ZNF773: variants seen among roughly 807,000 people sequenced by gnomAD.
ZNF773 encodes the protein zinc finger protein 773.
Under a neutral mutation model 12.8 loss-of-function variants are expected in ZNF773, and 11 were observed. That is an observed-to-expected ratio of 0.86 (90% CI 0.54 to 1.42). The LOEUF (loss-of-function observed/expected upper bound fraction) is 1.42. Ranked by LOEUF, ZNF773 falls within the 40% of genes most tolerant of loss-of-function variation. The pLI is 0.00. For synonymous variants in ZNF773, 175 were observed against 178.4 expected, an observed-to-expected ratio of 0.98 and a Z score of 0.15; for missense variants, 518 against 527.2, an observed-to-expected ratio of 0.98 and a Z score of 0.17.
intron 3 of ZNF773, 148 bp from the exon 4 acceptor site, chr19:57,506,210 A>G: frequency 7.6e-7 from 1 of 1,312,922 alleles, no homozygotes; most frequent in Non-Finnish European, 1.0e-6. Flanking sequence ...TCAGCACTGC[A>G]CAGCAGGCCC....
chr19:57,507,533 A>C lies in ZNF773; in HGVS notation c.*109A>C, dbSNP rs2089755212. The C allele has an allele frequency of 1.4e-6, 2 of 1,467,678 alleles. No homozygotes were observed. The highest frequency in any genetic ancestry group is 2.4e-5 in the East Asian group (1 of 41,154). The allele number at this position is 1,467,678 out of a possible 1,614,324, so 90.9% of individuals were successfully genotyped here. A position where few individuals can be genotyped will look rare whatever the true frequency, so the allele number is the denominator to read the frequency against. On this transcript the variant is annotated 3_prime_UTR_variant, in exon 4 of 4. Transcript: ENST00000282292. ...TGGAAATCCATTAGCTATACCTCCA[A>C]ACTCATTCAACACTGGACAGTTCAC... is the stretch of plus-strand genomic sequence containing the variant.
intron 1 of ZNF773, among the ~76,000 whole-genome samples, chr19:57,502,007 A>G (rs1237593342): frequency 2.0e-5 from 3 of 152,052 alleles, no homozygotes; most frequent in African/African-American, 4.8e-5. Context: ...CAATGGTACA[A>G]TCTCGGCTCA....
intron 1 of ZNF773, among the ~76,000 whole-genome samples, chr19:57,502,814 C>T (rs911983451): frequency 1.3e-5 from 2 of 152,140 alleles, no homozygotes; most frequent in African/African-American, 4.8e-5. Flanking sequence ...CCTTAGCCTC[C>T]CGAGTAGCTG....
downstream of ZNF773, among the ~76,000 whole-genome samples, chr19:57,511,055 A>T (rs201682993): frequency 2.9e-3 from 335 of 116,866 alleles, 1 homozygote; most frequent in African/African-American, 8.5e-3. Flanking sequence ...TATTTTATTT[A>T]TTTTTTTTTT....
chr19:57,500,816 A>AG (rs1443659633), intron 1 of ZNF773, among the ~76,000 whole-genome samples: 1 of 152,084 alleles, frequency 6.6e-6, no homozygotes, highest in African/African-American at 2.4e-5. Context: ...TGTCCACATG[A>AG]GCAGCTGGAA....
At chr19:57,505,244 C>G in intron 2 of ZNF773, 58 bp from the exon 3 acceptor site, 2 of 1,497,816 alleles carry the variant, frequency 1.3e-6, no homozygotes, top group East Asian at 4.5e-5. Flanking sequence ...TTCCTGTGGT[C>G]CATGATGAGA....
Position 57,507,854 on chromosome 19 carries a change from T to C in ZNF773, c.*430T>C. ...TGGGCATGGTGGTGGGCGCCTGTAG[T>C]CCCAGCTACTCAGGAGGCTGAGGCA... On this transcript the variant is annotated 3_prime_UTR_variant, in exon 4 of 4. Coordinates refer to ENST00000282292, the MANE Select transcript of ZNF773 (RefSeq NM_198542.3). The C allele has an allele frequency of 3.3e-6, 1 of 304,440 alleles. No homozygotes were observed. Among genetic ancestry groups the C allele is most frequent in the East Asian group, 1.5e-4 (1 of 6,524 alleles). The allele number at this position is 304,440 out of a possible 1,614,324, so 18.9% of individuals were successfully genotyped here.
downstream of ZNF773, chr19:57,513,171 A>G: frequency 7.9e-7 from 1 of 1,269,518 alleles, no homozygotes; most frequent in Non-Finnish European, 1.0e-6. Context: ...CTAAAGAGGT[A>G]CTGGGAGTGG....
In ZNF773 at chr19:57,506,668, C is replaced by G; in HGVS notation, c.573C>G (p.Tyr191Ter). The G allele has an allele frequency of 6.2e-7, 1 of 1,614,228 alleles. No homozygotes were observed. Among genetic ancestry groups the G allele is most frequent in the Non-Finnish European group, 8.5e-7 (1 of 1,180,038 alleles). The change falls in exon 4 of 4, where the codon TAC (tyrosine) becomes TAG (stop). Residue 191 changes from tyrosine (Y) to a stop codon, truncating the protein, a stop_gained. Coordinates refer to ENST00000282292, the MANE Select transcript of ZNF773 (RefSeq NM_198542.3). LOFTEE classifies it low-confidence loss of function (END_TRUNC). ...REAFHAGKRH[Y>*]KCSECGKAFG... is the part of the protein sequence containing the mutation. ...CCTTTCATGCTGGAAAAAGGCATTA[C>G]AAATGCAGTGAATGTGGGAAAGCCT... is the stretch of plus-strand genomic sequence containing the variant.
At chr19:57,508,742 G>GT (rs2089773658), downstream of ZNF773, among the ~76,000 whole-genome samples, 1 of 148,780 alleles carries the variant, frequency 6.7e-6, no homozygotes, top group African/African-American at 2.6e-5. Context: ...GTGTGCAGTA[G>GT]TATTTCATTG....
At chr19:57,504,404 A>C (rs2123255233) in intron 1 of ZNF773, among the ~76,000 whole-genome samples, 1 of 152,294 alleles carries the variant, frequency 6.6e-6, no homozygotes, top group Non-Finnish European at 1.5e-5. Flanking sequence ...GGGGGATCCA[A>C]GGTGAGTTGT....
downstream of ZNF773, chr19:57,512,977 C>T: frequency 6.6e-7 from 1 of 1,507,552 alleles, no homozygotes; most frequent in South Asian, 1.3e-5. Flanking sequence ...TTCTTTAAAA[C>T]AGATCTTTTT....
downstream of ZNF773, chr19:57,514,039 A>G (rs1231208828): frequency 6.6e-6 from 1 of 152,254 alleles, no homozygotes; most frequent in African/African-American, 2.4e-5. Flanking sequence ...ACATTATATC[A>G]GAATTTTGTA....
At chr19:57,503,819 A>G (rs2089696155) in intron 1 of ZNF773, among the ~76,000 whole-genome samples, 1 of 151,800 alleles carries the variant, frequency 6.6e-6, no homozygotes, top group African/African-American at 2.4e-5. Context: ...CACCACCCCC[A>G]GGTTAATTTT....
downstream of ZNF773, chr19:57,508,333 A>G (rs1406600831): frequency 3.0e-6 from 2 of 674,072 alleles, no homozygotes; most frequent in East Asian, 2.7e-4. Context: ...TATTGGCTGC[A>G]CCAGTCGAAT....
At chr19:57,513,011 T>G (rs1365610696), downstream of ZNF773, 4 of 1,554,486 alleles carry the variant, frequency 2.6e-6, no homozygotes, top group Admixed American at 5.9e-5. Flanking sequence ...CATTTGTCCT[T>G]CTTCATTCAG....
downstream of ZNF773, among the ~76,000 whole-genome samples, chr19:57,510,937 A>G (rs573276465): frequency 3.5e-4 from 53 of 152,270 alleles, no homozygotes; most frequent in Middle Eastern, 3.4e-3. Context: ...GACGATCCCA[A>G]TAAAAACCTA....
chr19:57,508,255 T>C (rs2089768550), downstream of ZNF773: 15 of 1,196,852 alleles, frequency 1.3e-5, no homozygotes, highest in Non-Finnish European at 1.6e-5. Context: ...AGGATGAGAA[T>C]TCCTGATAGA....
downstream of ZNF773, among the ~76,000 whole-genome samples, chr19:57,511,675 C>A (rs1189084029): frequency 6.6e-6 from 1 of 152,020 alleles, no homozygotes; most frequent in African/African-American, 2.4e-5. Flanking sequence ...CACTTGCATG[C>A]TCAGCAGTTT....
Sources: gnomAD v4.1 joint callset for allele counts (sites outside exome capture counted in the v4.1 genomes callset) on GRCh38, gnomAD v4.1.1 for gene constraint, MANE v1.5 for transcripts, NCBI Gene and HGNC (gene_info 2026-07-23, HGNC 2026-07-21) for gene names.